Variants in SLC2A1 observed in about 807,000 individuals in gnomAD.
The protein encoded by SLC2A1 is solute carrier family 2 member 1.
SLC2A1 carries 4 observed loss-of-function variants against 46.6 expected under a neutral mutation model. That is an observed-to-expected ratio of 0.09 (90% CI 0.04 to 0.20). SLC2A1 has a LOEUF of 0.20. SLC2A1 is among the 10% of genes least tolerant of loss of function. The probability of loss-of-function intolerance (pLI) is 1.00; values close to 1 mark genes in which losing one functional copy is unlikely to be tolerated. For missense variants in SLC2A1, 352 were observed against 667.0 expected (o/e 0.53, Z 5.20); for synonymous variants, 253 against 270.0 (o/e 0.94, Z 0.62).
In SLC2A1 at chr1:42,927,393, T is replaced by A; in HGVS notation, c.1279-152A>T. 1.2e-6 allele frequency: 1 copy of A among 859,360 alleles called. No individual in the cohort carries two copies. Among genetic ancestry groups the A allele is most frequent in the Non-Finnish European group, 1.9e-6 (1 of 519,316 alleles). 53.2% of individuals were successfully genotyped at this position (859,360 alleles called of 1,614,324 possible). On this transcript the variant is annotated intron_variant, in intron 9 of 9. Coordinates refer to ENST00000426263, the MANE Select transcript of SLC2A1 (RefSeq NM_006516.4). This position sits in a 1 kb window ranked among gnomAD's most constrained non-coding sequence, Gnocchi z 5.3. ...TATCATAATTAACTGAGACCACGCT[T>A]GTACCTAGAATGTAACAGGCTCCAG...
intron 8 of SLC2A1, 37 bp downstream of exon 8, chr1:42,928,895 T>C: frequency 1.3e-6 from 2 of 1,577,936 alleles, no homozygotes; most frequent in Non-Finnish European, 1.7e-6. Context: ...AGGCAAACTC[T>C]CCCGCATCCC....
chr1:42,943,909 G>A (rs1643623641), intron 1 of SLC2A1, among the ~76,000 whole-genome samples: 1 of 152,162 alleles, frequency 6.6e-6, no homozygotes, highest in South Asian at 2.1e-4. Flanking sequence ...CATTGGAGAT[G>A]TGATCCCACC....
At chr1:42,945,747 A>AAAAAAAC (rs1176280562) in intron 1 of SLC2A1, among the ~76,000 whole-genome samples, 2 of 139,196 alleles carry the variant, frequency 1.4e-5, no homozygotes, top group South Asian at 4.5e-4. Flanking sequence ...TCAAAAAAAA[A>AAAAAAAC]AAAAAACAAA....
intron 2 of SLC2A1, among the ~76,000 whole-genome samples, chr1:42,933,010 C>A (rs1047862657): frequency 3.9e-5 from 6 of 152,320 alleles, no homozygotes; most frequent in Middle Eastern, 3.4e-3. Context: ...AAATTCAGGT[C>A]CTAGCTCCAC....
chr1:42,945,130 C>A (rs534455601), intron 1 of SLC2A1, among the ~76,000 whole-genome samples: 1 of 152,280 alleles, frequency 6.6e-6, no homozygotes, highest in East Asian at 1.9e-4. Context: ...CCGCCACGTG[C>A]TGGGCTTTCT....
chr1:42,958,377 G>T (rs1217141397), intron 1 of SLC2A1, among the ~76,000 whole-genome samples: 1 of 150,824 alleles, frequency 6.6e-6, no homozygotes, highest in Non-Finnish European at 1.5e-5. Context: ...CCGGAAGGAG[G>T]CCATGTGCTC....
intron 2 of SLC2A1, among the ~76,000 whole-genome samples, chr1:42,935,087 G>A (rs1046931418): frequency 6.6e-6 from 1 of 152,126 alleles, no homozygotes; most frequent in African/African-American, 2.4e-5. Context: ...CGGCAAGCGT[G>A]TTGAGGAGGG....
chr1:42,943,100 G>A, intron 2 of SLC2A1, 126 bp downstream of exon 2: 4 of 728,564 alleles, frequency 5.5e-6, no homozygotes, highest in South Asian at 1.5e-5. Flanking sequence ...ACTGGCTGGA[G>A]AGGCAGACAG....
intron 2 of SLC2A1, among the ~76,000 whole-genome samples, chr1:42,937,234 G>A (rs1394204539): frequency 6.6e-6 from 1 of 152,252 alleles, no homozygotes; most frequent in East Asian, 1.9e-4. Flanking sequence ...GAGATGGTCT[G>A]TCTGATGCAT....
At position 42,927,359 on chromosome 1, in the gene SLC2A1, C is replaced by T; in HGVS notation, c.1279-118G>A. On this transcript the variant is annotated intron_variant, in intron 9 of 9. Coordinates refer to ENST00000426263, the MANE Select transcript of SLC2A1 (RefSeq NM_006516.4). This position sits in a 1 kb window ranked among gnomAD's most constrained non-coding sequence, Gnocchi z 5.3. Reference sequence around the variant, plus strand: ...GCTGAAAAGGGAACATCCACCTACCCAGGGATGCTATCATAATTAACTGAG... The same window carrying T: ...GCTGAAAAGGGAACATCCACCTACCTAGGGATGCTATCATAATTAACTGAG... 1 of 953,562 alleles carries T rather than the reference C, an allele frequency of 1.0e-6. No homozygotes were observed. 59.1% of individuals were successfully genotyped at this position (953,562 alleles called of 1,614,324 possible). A position where few individuals can be genotyped will look rare whatever the true frequency, so the allele number is the denominator to read the frequency against.
chr1:42,946,200 A>G (rs901733262), intron 1 of SLC2A1, among the ~76,000 whole-genome samples: 2 of 152,212 alleles, frequency 1.3e-5, no homozygotes, highest in Non-Finnish European at 2.9e-5. Context: ...GGCCAAGGAC[A>G]TACCCCTCCG....
At chr1:42,932,162 C>A (rs1643498283) in intron 2 of SLC2A1, among the ~76,000 whole-genome samples, 1 of 152,132 alleles carries the variant, frequency 6.6e-6, no homozygotes, top group Admixed American at 6.5e-5. Flanking sequence ...ACGGCCTCCT[C>A]CCCTCTCCCA....
intron 2 of SLC2A1, among the ~76,000 whole-genome samples, chr1:42,933,547 G>T (rs1266491281): frequency 6.6e-6 from 1 of 152,154 alleles, no homozygotes; most frequent in Non-Finnish European, 1.5e-5. Context: ...AGAACCCCTT[G>T]ATTCTGCTGG....
Position 42,927,016 on chromosome 1 carries a change from G to T in SLC2A1, c.*25C>A. 6.2e-7 allele frequency: 1 copy of T among 1,611,640 alleles called. No individual in the cohort carries two copies. The highest frequency in any genetic ancestry group is 8.5e-7 in the Non-Finnish European group (1 of 1,178,180). ...GAGATCCTTAGGGCTGCTGGGAGCA[G>T]GCCGGGCTGGTGATCTGGGGCGACT... On this transcript the variant is annotated 3_prime_UTR_variant, in exon 10 of 10. Transcript: ENST00000426263. The surrounding 1 kb of genome is among the most constrained non-coding windows in gnomAD (Gnocchi z 5.3).
At chr1:42,945,753 A>C (rs199704842) in intron 1 of SLC2A1, among the ~76,000 whole-genome samples, 2 of 98,422 alleles carry the variant, frequency 2.0e-5, no homozygotes, top group African/African-American at 9.3e-5. Context: ...AAAAAAAAAA[A>C]CAAAAAACAA....
intron 2 of SLC2A1, among the ~76,000 whole-genome samples, chr1:42,932,276 A>G (rs1458170301): frequency 8.3e-6 from 1 of 120,870 alleles, no homozygotes; most frequent in Non-Finnish European, 1.7e-5. Context: ...CCCTGCCCCC[A>G]CCCTGGCCAG....
Position 42,926,584 on chromosome 1 carries a change from G to T in SLC2A1, c.*457C>A. 1 of 670,156 alleles carries T rather than the reference G, an allele frequency of 1.5e-6. No homozygotes were observed. The highest frequency in any genetic ancestry group is 2.2e-6 in the Non-Finnish European group (1 of 459,044). The allele number at this position is 670,156 out of a possible 1,614,324, so 41.5% of individuals were successfully genotyped here. ...GGAGATCCAGGCCAGCAGAACGGGT[G>T]GCCATAGCCACCTCCTGGGATAGAA... On this transcript the variant is annotated 3_prime_UTR_variant, in exon 10 of 10. Transcript: ENST00000426263.
chr1:42,930,701 C>T lies in SLC2A1; in HGVS notation c.441G>A (p.Val147=). 6.2e-7 allele frequency: 1 copy of T among 1,613,272 alleles called. No individual in the cohort carries two copies. The highest frequency in any genetic ancestry group is 8.5e-7 in the Non-Finnish European group (1 of 1,179,734). ...GGGCCCCACGAAGGGCTGTGGGTGA[C>T]ACTTCACCCACATACATGGGCACGA... The part of the protein sequence containing the change: ...TGFVPMYVGE[V]SPTALRGALG... The change falls in exon 4 of 10, where the codon GTG becomes GTA. Residue 147 remains valine, a synonymous_variant. Coordinates refer to ENST00000426263, the MANE Select transcript of SLC2A1 (RefSeq NM_006516.4). The surrounding 1 kb of genome is among the most constrained non-coding windows in gnomAD (Gnocchi z 6.2).
chr1:42,926,542 C>T lies in SLC2A1; in HGVS notation c.*499G>A, dbSNP rs939135705. The T allele has an allele frequency of 2.8e-6, 1 of 351,898 alleles. No individual in the cohort carries two copies. The highest frequency in any genetic ancestry group is 5.3e-6 in the Non-Finnish European group (1 of 190,404). The allele number at this position is 351,898 out of a possible 1,614,324, so 21.8% of individuals were successfully genotyped here. A position where few individuals can be genotyped will look rare whatever the true frequency, so the allele number is the denominator to read the frequency against. On this transcript the variant is annotated 3_prime_UTR_variant, in exon 10 of 10. Coordinates refer to ENST00000426263, the MANE Select transcript of SLC2A1 (RefSeq NM_006516.4). ...TGGGAAGGGGCAAATCCTAATGGAGCCTGACCCCTAGAGTGGGGAGATCCA... is the reference window on the plus strand; with the variant it reads ...TGGGAAGGGGCAAATCCTAATGGAGTCTGACCCCTAGAGTGGGGAGATCCA...
Sources: gnomAD v4.1 joint callset for allele counts (sites outside exome capture counted in the v4.1 genomes callset) on GRCh38, gnomAD v4.1.1 for gene constraint, Gnocchi (gnomAD v3.1) non-coding constraint, MANE v1.5 for transcripts, NCBI Gene and HGNC (gene_info 2026-07-23, HGNC 2026-07-21) for gene names.